Variants in S100PBP observed in about 807,000 individuals in gnomAD.
S100PBP encodes the protein S100P binding protein.
In S100PBP, 15 loss-of-function variants were observed where a neutral mutation model predicts 39.9. That is an observed-to-expected ratio of 0.38 (90% CI 0.25 to 0.58). The LOEUF is 0.58. Among genes scored for constraint, S100PBP ranks in the 20% least tolerant of loss-of-function variants. S100PBP has a pLI of 0.70. For missense variants in S100PBP, 504 were observed against 487.3 expected, an observed-to-expected ratio of 1.03 and a Z score of -0.32; for synonymous variants, 178 against 180.3, an observed-to-expected ratio of 0.99 and a Z score of 0.10.
Position 32,828,066 on chromosome 1 carries a change from T to C in S100PBP, c.905T>C (p.Leu302Pro). 6.3e-7 allele frequency: 1 copy of C among 1,599,068 alleles called. No homozygotes were observed. Among genetic ancestry groups the C allele is most frequent in the Admixed American group, 1.7e-5 (1 of 59,920 alleles). ...AGACTAGGCAAAGTCATTCCTGTTC[T>C]ACAAACTAAGACCAGGTAATGTAAA... The part of the protein sequence containing the change: ...ERRLGKVIPV[L>P]QTKTRTNVPT... The change falls in exon 4 of 7, where the codon CTA becomes CCA. Residue 302 changes from leucine to proline, a missense_variant. Physicochemically the swap from Leu to Pro is moderately conservative, Grantham distance 98. Coordinates refer to ENST00000373475, the MANE Select transcript of S100PBP (RefSeq NM_022753.4).
chr1:32,831,120 C>G (rs1262922057), intron 5 of S100PBP, among the ~76,000 whole-genome samples: 3 of 151,514 alleles, frequency 2.0e-5, no homozygotes, highest in African/African-American at 7.3e-5. Flanking sequence ...CATCTTCATT[C>G]ATTCAGCAAA....
chr1:32,826,535 G>A lies in S100PBP; in HGVS notation c.436G>A (p.Val146Ile), dbSNP rs1484129447. 1.2e-6 allele frequency: 2 copies of A among 1,613,834 alleles called. No homozygotes were observed. The highest frequency in any genetic ancestry group is 1.7e-6 in the Non-Finnish European group (2 of 1,180,020). Residue 146 changes from valine to isoleucine, a missense_variant, in exon 3 of 7, where the codon GTA (valine) becomes ATA (isoleucine). Val to Ile is a conservative substitution (Grantham distance 29). Transcript: ENST00000373475. ...TGTACTAGAAAAGAATCTTATAAAA[G>A]TAACTGTTGCACCATTTAATCCAAC... The part of the protein sequence containing the change: ...RSVLEKNLIK[V>I]TVAPFNPTVC...
intron 5 of S100PBP, chr1:32,836,645 C>T: frequency 1.1e-6 from 1 of 875,302 alleles, no homozygotes; most frequent in East Asian, 1.2e-4. Context: ...AGAGCTTTTT[C>T]CTAGAGCCTT....
intron 3 of S100PBP, 82 bp from the exon 4 acceptor site, chr1:32,827,911 A>G (rs932593400): frequency 3.0e-5 from 29 of 970,436 alleles, no homozygotes; most frequent in Admixed American, 2.3e-4. Context: ...TAGTTAAAAA[A>G]TATTTCCATA....
intron 5 of S100PBP, among the ~76,000 whole-genome samples, chr1:32,849,567 C>G (rs1640525456): frequency 6.6e-6 from 1 of 152,194 alleles, no homozygotes; most frequent in Non-Finnish European, 1.5e-5. Context: ...CTCCCATTAT[C>G]TCTAGATCAT....
chr1:32,838,320 C>T (rs1229733065), intron 5 of S100PBP, among the ~76,000 whole-genome samples: 10 of 131,282 alleles, frequency 7.6e-5, no homozygotes, highest in South Asian at 2.4e-4. Context: ...GGCGAAAGAG[C>T]GAGACTCTGT....
intron 5 of S100PBP, chr1:32,842,872 G>C (rs902807203): frequency 6.6e-6 from 1 of 151,998 alleles, no homozygotes; most frequent in Non-Finnish European, 1.5e-5. Context: ...CTGAGATTAC[G>C]GGTGTGAGCC....
chr1:32,838,349 A>AG (rs1553131420), intron 5 of S100PBP, among the ~76,000 whole-genome samples: 8 of 151,102 alleles, frequency 5.3e-5, no homozygotes, highest in South Asian at 2.1e-4. Flanking sequence ...AAAAAAAAAA[A>AG]AAAAGAAAAG....
chr1:32,818,429 GT>G (rs1638866249), intron 1 of S100PBP: 1 of 152,366 alleles, frequency 6.6e-6, no homozygotes, highest in African/African-American at 2.4e-5. Context: ...AGGGAAAGCA[GT>G]TATTACCTCA....
At chr1:32,834,390 A>G (rs72880592) in intron 5 of S100PBP, among the ~76,000 whole-genome samples, 2,033 of 152,268 alleles carry the variant, frequency 0.013, 45 homozygotes, top group African/African-American at 0.047. Flanking sequence ...CTTGTTTTAT[A>G]GATTGTCCCA....
intron 5 of S100PBP, among the ~76,000 whole-genome samples, chr1:32,831,502 T>C (rs1291624056): frequency 1.3e-5 from 2 of 152,156 alleles, no homozygotes; most frequent in Non-Finnish European, 2.9e-5. Flanking sequence ...TCTTGAATTA[T>C]GTAGTAGTTT....
chr1:32,826,620 T>C lies in S100PBP; in HGVS notation c.521T>C (p.Leu174Pro), dbSNP rs1172628848. Residue 174 changes from leucine to proline, a missense_variant, in exon 3 of 7, where the codon CTC becomes CCC. Leu to Pro is a moderately conservative substitution (Grantham distance 98). Coordinates refer to ENST00000373475, the MANE Select transcript of S100PBP (RefSeq NM_022753.4). Reference protein sequence around the residue: ...ETDSSKDTEKLSSLGEEMRED... With the variant: ...ETDSSKDTEKPSSLGEEMRED... ...GATTCGTCCAAAGATACTGAAAAAC[T>C]CTCTTCCCTTGGAGAAGAGATGAGA... The C allele has an allele frequency of 6.2e-7, 1 of 1,614,020 alleles. No homozygotes were observed. The highest frequency in any genetic ancestry group is 1.7e-5 in the Admixed American group (1 of 60,012).
At chr1:32,832,524 C>T (rs1639645066) in intron 5 of S100PBP, among the ~76,000 whole-genome samples, 1 of 152,138 alleles carries the variant, frequency 6.6e-6, no homozygotes, top group Admixed American at 6.5e-5. Flanking sequence ...TCTGGCACTT[C>T]CTTCTGCCTT....
chr1:32,850,211 C>A (rs1003882164), intron 5 of S100PBP, among the ~76,000 whole-genome samples: 1 of 152,194 alleles, frequency 6.6e-6, no homozygotes, highest in Admixed American at 6.5e-5. Flanking sequence ...AGGACATGTT[C>A]TATAGATAAT....
chr1:32,818,305 G>C (rs553563266), intron 1 of S100PBP, among the ~76,000 whole-genome samples: 1 of 152,378 alleles, frequency 6.6e-6, no homozygotes, highest in African/African-American at 2.4e-5. Context: ...GTCCCGGGCC[G>C]TTGCATTTGT....
At position 32,828,047 on chromosome 1, in the gene S100PBP, G is replaced by A. The variant is rs1456337094; in HGVS notation, c.886G>A (p.Gly296Ser). The change falls in exon 4 of 7, where the codon GGC becomes AGC. Residue 296 changes from glycine to serine, a missense_variant. Transcript: ENST00000373475. Reference sequence around the variant, plus strand: ...GATGAAAGGCCATGAGAGAAGACTAGGCAAAGTCATTCCTGTTCTACAAAC... The same window carrying A: ...GATGAAAGGCCATGAGAGAAGACTAAGCAAAGTCATTCCTGTTCTACAAAC... ...GKMKGHERRL[G>S]KVIPVLQTKT... 1 of 1,610,344 alleles carries A rather than the reference G, an allele frequency of 6.2e-7. No homozygotes were observed. Among genetic ancestry groups the A allele is most frequent in the African/African-American group, 1.3e-5 (1 of 74,892 alleles).
chr1:32,822,370 T>C lies in S100PBP; in HGVS notation c.-119-2943T>C, dbSNP rs577749976. On this transcript the variant is annotated intron_variant, in intron 1 of 6. Coordinates refer to ENST00000373475, the MANE Select transcript of S100PBP (RefSeq NM_022753.4). ...GCTCACGCCTGTAATCCCAGCACTTTGGGAGGCCGAGGCGGGCGGATCACC... is the reference window on the plus strand; with the variant it reads ...GCTCACGCCTGTAATCCCAGCACTTCGGGAGGCCGAGGCGGGCGGATCACC... 1.5e-4 allele frequency among the ~76,000 whole-genome samples: 23 copies of C among 152,136 alleles called. No individual in the cohort carries two copies. In the South Asian group the frequency reaches 4.6e-3, roughly 30 times the overall value.
At chr1:32,819,262 C>T (rs946429399) in intron 1 of S100PBP, among the ~76,000 whole-genome samples, 3 of 152,152 alleles carry the variant, frequency 2.0e-5, no homozygotes, top group Non-Finnish European at 2.9e-5. Context: ...GAAAAATATT[C>T]TTCCCTTAAA....
intron 5 of S100PBP, chr1:32,847,330 A>C (rs915099420): frequency 1.3e-5 from 2 of 152,176 alleles, no homozygotes; most frequent in Non-Finnish European, 2.9e-5. Context: ...TTTATTTTGA[A>C]AAATTATAGA....
Sources: gnomAD v4.1 joint callset for allele counts (sites outside exome capture counted in the v4.1 genomes callset) on GRCh38, gnomAD v4.1.1 for gene constraint, MANE v1.5 for transcripts, NCBI Gene and HGNC (gene_info 2026-07-23, HGNC 2026-07-21) for gene names.